AKNA: variants seen among roughly 807,000 people sequenced by gnomAD.
The protein encoded by AKNA is AT-hook transcription factor, also known as microtubule organization protein AKNA.
AKNA carries 67 observed loss-of-function variants against 138.8 expected under a neutral mutation model. That is an observed-to-expected ratio of 0.48 (90% CI 0.40 to 0.59). The LOEUF (loss-of-function observed/expected upper bound fraction) is 0.59, where lower values mean the gene tolerates loss of function less well. Among genes scored for constraint, AKNA ranks in the 20% least tolerant of loss-of-function variants. AKNA has a pLI of 0.00. For synonymous variants in AKNA, 737 were observed against 754.4 expected (o/e 0.98, Z 0.38); for missense variants, 1,813 against 1,880.4 (o/e 0.96, Z 0.66).
At chr9:114,383,413 G>A (rs566110774) in intron 1 of AKNA, among the ~76,000 whole-genome samples, 1 of 152,302 alleles carries the variant, frequency 6.6e-6, no homozygotes, top group South Asian at 2.1e-4. Flanking sequence ...AGTGGGCACG[G>A]TCCCCCAGGG....
At chr9:114,362,802 T>C (rs1004356590) in intron 7 of AKNA, among the ~76,000 whole-genome samples, 1 of 152,224 alleles carries the variant, frequency 6.6e-6, no homozygotes. Context: ...CCTTCCTGCA[T>C]AGACTTACAA....
chr9:114,361,384 T>A (rs1831947366), intron 9 of AKNA, among the ~76,000 whole-genome samples: 2 of 152,282 alleles, frequency 1.3e-5, no homozygotes, highest in South Asian at 4.1e-4. Context: ...GTCATGTTAC[T>A]CCTGCTACTC....
intron 1 of AKNA, among the ~76,000 whole-genome samples, chr9:114,385,438 A>G (rs1398851389): frequency 3.9e-5 from 6 of 152,316 alleles, no homozygotes; most frequent in Non-Finnish European, 7.4e-5. Flanking sequence ...AGAGGCTACA[A>G]TTTAGCTGTT....
chr9:114,370,332 C>T (rs1478739942), intron 4 of AKNA, among the ~76,000 whole-genome samples: 1 of 152,238 alleles, frequency 6.6e-6, no homozygotes. Flanking sequence ...ACCCAAATCC[C>T]AGGGGAGGCC....
chr9:114,330,754 A>G (rs749930859), downstream of AKNA: 8 of 1,608,398 alleles, frequency 5.0e-6, no homozygotes, highest in Admixed American at 8.3e-5. Flanking sequence ...CTCCTCGATA[A>G]CATTACTGTT....
At chr9:114,339,016 G>A (rs950423109) in intron 21 of AKNA, among the ~76,000 whole-genome samples, 2 of 152,206 alleles carry the variant, frequency 1.3e-5, no homozygotes, top group Non-Finnish European at 2.9e-5. Context: ...TCTAGGGACC[G>A]TCTGGTGTAA....
rs1157770950 is a variant in AKNA at position 114,359,887 on chromosome 9, G to T, written c.2291+9C>A. 2.5e-6 allele frequency: 4 copies of T among 1,614,072 alleles called. No homozygotes were observed. Among genetic ancestry groups the T allele is most frequent in the Non-Finnish European group, 3.4e-6 (4 of 1,180,026 alleles). ...CCAGACACCCTGGTCAGGTCCAGGT[G>T]GCACTCACCGCTCCATGAGGCCATG... is the stretch of plus-strand genomic sequence containing the variant. On this transcript the variant is annotated intron_variant, in intron 10 of 21. Coordinates refer to ENST00000374088, the MANE Select transcript of AKNA (RefSeq NM_001317950.2).
In AKNA at chr9:114,376,999, C is replaced by T. The variant is rs186555063; in HGVS notation, c.808G>A (p.Ala270Thr). 1.9e-6 allele frequency: 3 copies of T among 1,614,084 alleles called. No individual in the cohort carries two copies. ...MEFQDSSAPP[A>T]QSPQHATDRW... Reference sequence around the variant, plus strand: ...TCTGTGGCATGCTGCGGACTCTGGGCTGGGGGAGCTGAGGAGTCCTGGAAT... The same window carrying T: ...TCTGTGGCATGCTGCGGACTCTGGGTTGGGGGAGCTGAGGAGTCCTGGAAT... Residue 270 changes from alanine to threonine, a missense_variant, in exon 3 of 22, where the codon GCC becomes ACC. Ala to Thr is a moderately conservative substitution (Grantham distance 58). Transcript: ENST00000374088.
In AKNA at chr9:114,341,611, G is replaced by A. The variant is rs148273633; in HGVS notation, c.3989C>T (p.Thr1330Ile). ...RPPPGLWYLA[T>I]APPAPAPPAF... ...TGGAGGGGCTGGTGCTGGGGGCGCT[G>A]TTGCCAGATACCACAGTCCGGGGGG... Residue 1330 changes from threonine (T) to isoleucine (I), a missense_variant, in exon 21 of 22, where the codon ACA becomes ATA. Transcript: ENST00000374088. 8.6e-5 allele frequency: 139 copies of A among 1,613,720 alleles called. No homozygotes were observed. The highest frequency in any genetic ancestry group is 1.1e-4 in the Non-Finnish European group (134 of 1,179,946).
At chr9:114,358,232 G>A in intron 11 of AKNA, 65 bp from the exon 12 acceptor site, 2 of 1,601,138 alleles carry the variant, frequency 1.2e-6, no homozygotes, top group Non-Finnish European at 1.7e-6. Flanking sequence ...GGGTTGGCCT[G>A]TCCTGGGAGC....
At chr9:114,363,080 T>A (rs1337876016) in intron 7 of AKNA, among the ~76,000 whole-genome samples, 1 of 152,228 alleles carries the variant, frequency 6.6e-6, no homozygotes, top group Non-Finnish European at 1.5e-5. Context: ...TAATCTTCAA[T>A]ATAATCATAA....
upstream of AKNA, chr9:114,396,677 CAAAAAAAAAAAG>C (rs1834544794): frequency 7.3e-6 from 1 of 137,290 alleles, no homozygotes; most frequent in Admixed American, 7.3e-5. Flanking sequence ...GACTCCATCT[CAAAAAAAAAAAG>C]AAAAAAAAAA....
Position 114,377,061 on chromosome 9 carries a change from C to T in AKNA, c.746G>A (p.Arg249Lys). The T allele has an allele frequency of 1.2e-6, 2 of 1,614,172 alleles. No individual in the cohort carries two copies. Among genetic ancestry groups the T allele is most frequent in the Non-Finnish European group, 1.7e-6 (2 of 1,180,014 alleles). Reference protein sequence around the residue: ...PSHHLLSPDGRTGGSVARATP... With the variant: ...PSHHLLSPDGKTGGSVARATP... ...TGCCCGAGCAACACTGCCTCCAGTT[C>T]TGCCATCTGGGCTTAGGAGGTGGTG... Residue 249 changes from arginine to lysine, a missense_variant, in exon 3 of 22, where the codon AGA (arginine) becomes AAA (lysine). Physicochemically the swap from Arg to Lys is conservative, Grantham distance 26. Coordinates refer to ENST00000374088, the MANE Select transcript of AKNA (RefSeq NM_001317950.2).
rs527421393 is a variant in AKNA, at chr9:114,349,143, C to T, written c.3222-1243G>A. ...ACATCTCCCCACCCCCAGTTAACTC[C>T]TGAAATGGAGAGCTCCGCCTCCTAG... is the stretch of plus-strand genomic sequence containing the variant. On this transcript the variant is annotated intron_variant, in intron 15 of 21. Transcript: ENST00000374088. 5.5e-5 allele frequency: 19 copies of T among 347,582 alleles called. No homozygotes were observed. The East Asian group carries it at 1.2e-3, about 22-fold the overall frequency. The allele number at this position is 347,582 out of a possible 1,614,324, so 21.5% of individuals were successfully genotyped here.
At chr9:114,349,330 G>A (rs1830938229) in intron 15 of AKNA, among the ~76,000 whole-genome samples, 1 of 152,112 alleles carries the variant, frequency 6.6e-6, no homozygotes, top group Non-Finnish European at 1.5e-5. Flanking sequence ...TCTGCACATG[G>A]CAGCAGCATC....
At chr9:114,383,400 C>A (rs974674978) in intron 1 of AKNA, among the ~76,000 whole-genome samples, 5 of 152,212 alleles carry the variant, frequency 3.3e-5, no homozygotes, top group African/African-American at 1.2e-4. Flanking sequence ...AAAGCTGACC[C>A]AGAGTGGGCA....
chr9:114,390,797 C>T (rs1351771368), upstream of AKNA, among the ~76,000 whole-genome samples: 1 of 152,224 alleles, frequency 6.6e-6, no homozygotes, highest in Admixed American at 6.5e-5. Context: ...ATGTGTCCTG[C>T]TCCTCCCCTC....
intron 21 of AKNA, among the ~76,000 whole-genome samples, chr9:114,340,078 G>A (rs1251575016): frequency 3.3e-5 from 5 of 152,176 alleles, no homozygotes; most frequent in East Asian, 1.9e-4. Flanking sequence ...CAGCCTGGGC[G>A]ACAAAGCCAG....
chr9:114,381,736 C>T (rs1833697998), intron 1 of AKNA, among the ~76,000 whole-genome samples: 1 of 139,234 alleles, frequency 7.2e-6, no homozygotes, highest in African/African-American at 2.6e-5. Context: ...TCTCGGCTCA[C>T]TGCAACCTCC....
Sources: gnomAD v4.1 joint callset for allele counts (sites outside exome capture counted in the v4.1 genomes callset) on GRCh38, gnomAD v4.1.1 for gene constraint, MANE v1.5 for transcripts, NCBI Gene and HGNC (gene_info 2026-07-23, HGNC 2026-07-21) for gene names.